The following USP9X variants were observed in gnomAD, a reference collection of about 807,000 sequenced individuals.
USP9X encodes the protein ubiquitin carboxyl-terminal hydrolase 9X.
Under a neutral mutation model 190.3 loss-of-function variants are expected in USP9X, and 7 were observed. The ratio of observed to expected loss-of-function variants is 0.04; its 90% CI spans 0.02 to 0.07. USP9X has a LOEUF of 0.07. Among genes scored for constraint, USP9X ranks in the 10% least tolerant of loss-of-function variants. The pLI, the probability that USP9X is intolerant of heterozygous loss-of-function variation, is 1.00. For missense variants in USP9X, 1,010 were observed against 1,916.9 expected (o/e 0.53, Z 8.83); for synonymous variants, 645 against 659.5 (o/e 0.98, Z 0.34).
At chrX:41,116,249 A>G (rs2062146999) in intron 1 of USP9X, among the ~76,000 whole-genome samples, 1 of 112,535 alleles carries the variant, frequency 8.9e-6, no homozygotes, top group African/African-American at 3.2e-5. Flanking sequence ...GTAAAACTTC[A>G]TGTGGTAAAA....
intron 1 of USP9X, among the ~76,000 whole-genome samples, chrX:41,088,901 GGAAA>G (rs1331206435): frequency 9.0e-6 from 1 of 111,438 alleles, no homozygotes; most frequent in Non-Finnish European, 1.9e-5. Context: ...TTAATATTTG[GGAAA>G]GAGTTAGTGC....
chrX:41,150,728 GGTAGTAA>G (rs1325964357), intron 12 of USP9X, among the ~76,000 whole-genome samples, 186 bp from the exon 13 acceptor site: 2 of 111,433 alleles, frequency 1.8e-5, no homozygotes, highest in African/African-American at 6.5e-5. Context: ...TTGGAGTTCT[GGTAGTAA>G]GTGTGAAATA....
At chrX:41,202,187 C>T (rs755822323) in intron 31 of USP9X, among the ~76,000 whole-genome samples, 1 of 112,048 alleles carries the variant, frequency 8.9e-6, no homozygotes, top group African/African-American at 3.2e-5. Flanking sequence ...CTTTGAATTT[C>T]CCTTAGATCA....
intron 1 of USP9X, among the ~76,000 whole-genome samples, chrX:41,102,883 C>T (rs2062044636): frequency 9.0e-6 from 1 of 110,511 alleles, no homozygotes; most frequent in African/African-American, 3.3e-5. Flanking sequence ...ACCTCCACCT[C>T]CTGGGTTCAA....
At position 41,210,391 on chromosome X, in the gene USP9X, T is replaced by C. The variant is rs539881207; in HGVS notation, c.5016-118T>C. 3 of 715,684 alleles carry C rather than the reference T, an allele frequency of 4.2e-6. No individual in the cohort carries two copies. In the African/African-American group the frequency reaches 6.5e-5, roughly 16 times the overall value. 59.0% of individuals were successfully genotyped at this position (715,684 alleles called of 1,213,427 possible). A position where few individuals can be genotyped will look rare whatever the true frequency, so the allele number is the denominator to read the frequency against. ...TTCCATGTAATTGAGGAATAAAATC[T>C]CGGTTTTATATACTGTTGTTTGTGG... On this transcript the variant is annotated intron_variant, in intron 32 of 44. Coordinates refer to ENST00000378308, the MANE Select transcript of USP9X (RefSeq NM_001039591.3).
At chrX:41,154,607 C>G (rs1003263260) in intron 14 of USP9X, among the ~76,000 whole-genome samples, 4 of 111,824 alleles carry the variant, frequency 3.6e-5, no homozygotes, top group African/African-American at 1.3e-4. Flanking sequence ...TTCGTTATCA[C>G]AGGAATGATT....
At chrX:41,124,178 G>T (rs963394483) in intron 2 of USP9X, among the ~76,000 whole-genome samples, 2 of 111,512 alleles carry the variant, frequency 1.8e-5, no homozygotes, top group Non-Finnish European at 3.8e-5. Context: ...GGGCGCAGTG[G>T]CTCACATCTG....
intron 33 of USP9X, among the ~76,000 whole-genome samples, chrX:41,212,402 A>G (rs1264756264): frequency 1.0e-5 from 1 of 97,521 alleles, no homozygotes; most frequent in African/African-American, 3.9e-5. Context: ...TCCCTCCACT[A>G]TTGTCCTATG....
intron 1 of USP9X, among the ~76,000 whole-genome samples, chrX:41,101,612 A>G (rs1208919983): frequency 2.7e-5 from 3 of 110,801 alleles, no homozygotes; most frequent in South Asian, 3.8e-4. Flanking sequence ...CACCACGCCT[A>G]TAGCAAAGAT....
intron 2 of USP9X, among the ~76,000 whole-genome samples, chrX:41,127,251 C>G (rs922807906): frequency 5.4e-5 from 6 of 111,410 alleles, no homozygotes; most frequent in Admixed American, 9.6e-5. Flanking sequence ...TTAATTCATG[C>G]AATATTATCT....
At chrX:41,113,508 T>C (rs2062124804) in intron 1 of USP9X, among the ~76,000 whole-genome samples, 1 of 112,159 alleles carries the variant, frequency 8.9e-6, no homozygotes, top group Non-Finnish European at 1.9e-5. Context: ...CAAAAATAAG[T>C]ATTTTTGTAC....
At chrX:41,113,393 G>T (rs1436636059) in intron 1 of USP9X, among the ~76,000 whole-genome samples, 2 of 110,489 alleles carry the variant, frequency 1.8e-5, no homozygotes, top group African/African-American at 6.6e-5. Context: ...GTAGAGACAG[G>T]GTTTCACCGT....
At chrX:41,119,480 A>G (rs1344287023) in intron 1 of USP9X, among the ~76,000 whole-genome samples, 1 of 111,582 alleles carries the variant, frequency 9.0e-6, no homozygotes, top group Non-Finnish European at 1.9e-5. Context: ...AGTAGGGAAG[A>G]TTCAAGCACA....
intron 1 of USP9X, among the ~76,000 whole-genome samples, chrX:41,102,574 G>T (rs1035491517): frequency 9.0e-6 from 1 of 111,575 alleles, no homozygotes; most frequent in Non-Finnish European, 1.9e-5. Context: ...AGTGAGTTGA[G>T]ATCACGCCGC....
chrX:41,197,331 T>TCGGC, intron 28 of USP9X, 33 bp from the exon 29 acceptor site: 3 of 486,767 alleles, frequency 6.2e-6, no homozygotes, highest in Non-Finnish European at 8.8e-6. Context: ...TTTGATTTCT[T>TCGGC]CCCCCCCCCA....
At position 41,197,449 on chromosome X, in the gene USP9X, T is replaced by A; in HGVS notation, c.4319T>A (p.Phe1440Tyr). 1 of 1,205,906 alleles carries A rather than the reference T, an allele frequency of 8.3e-7. No individual in the cohort carries two copies. The highest frequency in any genetic ancestry group is 1.1e-6 in the Non-Finnish European group (1 of 892,585). Residue 1440 changes from phenylalanine to tyrosine, a missense_variant, in exon 29 of 45, where the codon TTT (phenylalanine) becomes TAT (tyrosine). By Grantham distance (22) the Phe-to-Tyr change is conservative (BLOSUM62 3). Coordinates refer to ENST00000378308, the MANE Select transcript of USP9X (RefSeq NM_001039591.3). ...GGAGTGACAAAGGAGTTACTGGCCT[T>A]TCAAACTTCTGAGAAAAAATTTCAT... The part of the protein sequence containing the change: ...HLGVTKELLA[F>Y]QTSEKKFHIG...
chrX:41,215,849 T>TC (rs766935747), intron 34 of USP9X, 50 bp from the exon 35 acceptor site: 13 of 1,127,051 alleles, frequency 1.2e-5, no homozygotes, highest in African/African-American at 1.1e-4. Flanking sequence ...TTTTTTTTTT[T>TC]CCTGTGGATT....
rs2062208044 is a variant in USP9X at position 41,123,528 on chromosome X, A to T, written c.-101A>T. 2 of 690,925 alleles carry T rather than the reference A, an allele frequency of 2.9e-6. No homozygotes were observed. Among genetic ancestry groups the T allele is most frequent in the South Asian group, 4.7e-5 (2 of 42,234 alleles). 56.9% of individuals were successfully genotyped at this position (690,925 alleles called of 1,213,427 possible). A position where few individuals can be genotyped will look rare whatever the true frequency, so the allele number is the denominator to read the frequency against. ...CTTGAATTGGACCTTTTTAAGACTG[A>T]CAAATGCTGGTACTTCATCTTCTAT... On this transcript the variant is annotated 5_prime_UTR_variant, in exon 2 of 45. Coordinates refer to ENST00000378308, the MANE Select transcript of USP9X (RefSeq NM_001039591.3).
intron 6 of USP9X, among the ~76,000 whole-genome samples, chrX:41,140,185 T>C (rs1385770900): frequency 8.9e-6 from 1 of 112,174 alleles, no homozygotes; most frequent in African/African-American, 3.2e-5. Flanking sequence ...AATTGACAAT[T>C]GACTCTCAGG....
Sources: allele counts gnomAD v4.1 joint callset (sites outside exome capture counted in the v4.1 genomes callset), GRCh38; gene constraint gnomAD v4.1.1; transcripts MANE v1.5; gene names NCBI Gene and HGNC (gene_info 2026-07-23, HGNC 2026-07-21).